Variants in KSR2 observed in about 807,000 individuals in gnomAD.
KSR2 encodes the protein kinase suppressor of ras 2.
Under a neutral mutation model 107.8 loss-of-function variants are expected in KSR2, and 25 were observed. The ratio of observed to expected loss-of-function variants is 0.23; its 90% CI spans 0.17 to 0.32. KSR2 has a LOEUF of 0.32. Among genes scored for constraint, KSR2 ranks in the 10% least tolerant of loss-of-function variants. The pLI is 1.00. For missense variants in KSR2, 887 were observed against 1,268.9 expected (o/e 0.70, Z 4.57); for synonymous variants, 480 against 507.0 (o/e 0.95, Z 0.71).
rs376464695 is a variant in KSR2 at position 117,633,698 on chromosome 12, C to T, written c.1171+33776G>A. Among the ~76,000 whole-genome samples the T allele has an allele frequency of 5.3e-5, 8 of 152,174 alleles. No individual in the cohort carries two copies. In the East Asian group the frequency reaches 9.6e-4, roughly 18 times the overall value. On this transcript the variant is annotated intron_variant, in intron 5 of 19. Coordinates refer to ENST00000339824, the MANE Select transcript of KSR2 (RefSeq NM_173598.6). The stretch of plus-strand genomic sequence containing the variant: ...CTTTTTGCAAGGACATCAGTCATTG[C>T]GTTTAGGGCTCACTTAATCCATCGT...
chr12:117,661,709 G>A (rs1487776493), intron 5 of KSR2, among the ~76,000 whole-genome samples: 3 of 152,228 alleles, frequency 2.0e-5, no homozygotes, highest in South Asian at 2.1e-4. Context: ...TGGAGGGGAA[G>A]AGCAAGAATG....
chr12:117,476,328 C>G, intron 17 of KSR2, 136 bp downstream of exon 17: 1 of 1,064,030 alleles, frequency 9.4e-7, no homozygotes, highest in Non-Finnish European at 1.3e-6. Flanking sequence ...CAGGTTCCTC[C>G]ATTCTCACCC....
chr12:117,464,194 C>T lies in KSR2; in HGVS notation c.*3005G>A, dbSNP rs1169332731. ...TGGGTGAAATTTATGTGCAAATCCA[C>T]ATGCCCTTTAAAGAAAGCTGAGATG... On this transcript the variant is annotated 3_prime_UTR_variant, in exon 20 of 20. Coordinates refer to ENST00000339824, the MANE Select transcript of KSR2 (RefSeq NM_173598.6). 1 of 152,226 alleles carries T rather than the reference C, an allele frequency of 6.6e-6. No homozygotes were observed. Among genetic ancestry groups the T allele is most frequent in the African/African-American group, 2.4e-5 (1 of 41,456 alleles). The allele number at this position is 152,226 out of a possible 1,614,324, so 9.4% of individuals were successfully genotyped here. A position where few individuals can be genotyped will look rare whatever the true frequency, so the allele number is the denominator to read the frequency against.
chr12:117,839,325 G>A (rs1007989295), intron 3 of KSR2, among the ~76,000 whole-genome samples: 4 of 152,158 alleles, frequency 2.6e-5, no homozygotes, highest in Admixed American at 1.3e-4. Flanking sequence ...TAGAGTGTAC[G>A]GTCTGGAATC....
chr12:117,819,075 T>C (rs1015773999), intron 3 of KSR2, among the ~76,000 whole-genome samples: 5 of 151,948 alleles, frequency 3.3e-5, no homozygotes, highest in Non-Finnish European at 7.4e-5. Context: ...TCAATGTCCA[T>C]CCCCACCAAG....
chr12:117,467,230 A>G, intron 19 of KSR2, 25 bp from the exon 20 acceptor site: 2 of 729,726 alleles, frequency 2.7e-6, no homozygotes, highest in South Asian at 1.5e-5. Context: ...GAAGGGAGAG[A>G]GTGGTGAGAG....
intron 17 of KSR2, among the ~76,000 whole-genome samples, chr12:117,474,796 G>A (rs1410287711): frequency 6.6e-6 from 1 of 152,038 alleles, no homozygotes; most frequent in Non-Finnish European, 1.5e-5. Context: ...GTCGTGTAGA[G>A]GCAGCTGTGT....
At position 117,774,667 on chromosome 12, in the gene KSR2, A is replaced by G. The variant is rs555599039; in HGVS notation, c.473-13143T>C. Among the ~76,000 whole-genome samples the G allele has an allele frequency of 3.9e-5, 6 of 152,350 alleles. No individual in the cohort carries two copies. The East Asian group carries it at 7.7e-4, about 20-fold the overall frequency. Reference sequence around the variant, plus strand: ...CAAAGCTCTTTTTAAGAAAAAATGTATTGAGGTGAAATTCACATTAACCAT... The same window carrying G: ...CAAAGCTCTTTTTAAGAAAAAATGTGTTGAGGTGAAATTCACATTAACCAT... On this transcript the variant is annotated intron_variant, in intron 3 of 19. Coordinates refer to ENST00000339824, the MANE Select transcript of KSR2 (RefSeq NM_173598.6).
intron 1 of KSR2, among the ~76,000 whole-genome samples, chr12:117,869,138 G>A (rs1025488981): frequency 5.3e-5 from 8 of 151,998 alleles, no homozygotes; most frequent in Admixed American, 6.6e-5. Flanking sequence ...TTGGGAGGCC[G>A]AGGTGGGTGG....
Position 117,484,538 on chromosome 12 carries a change from G to A in KSR2, c.2328C>T (p.Tyr776=), listed in dbSNP as rs1872350550. The change falls in exon 16 of 20, where the codon TAC becomes TAT. Residue 776 remains tyrosine (Y), a synonymous_variant. Coordinates refer to ENST00000339824, the MANE Select transcript of KSR2 (RefSeq NM_173598.6). ...IAQEIVKGMG[Y]LHAKGILHKD... is the part of the protein sequence containing the mutation. Reference sequence around the variant, plus strand: ...TGTGTAGGATTCCCTTGGCGTGGAGGTAGCCCATGCCCTGCAAGAAGCAAG... The same window carrying A: ...TGTGTAGGATTCCCTTGGCGTGGAGATAGCCCATGCCCTGCAAGAAGCAAG... The A allele has an allele frequency of 1.2e-6, 2 of 1,613,732 alleles. No homozygotes were observed. The highest frequency in any genetic ancestry group is 1.7e-5 in the Admixed American group (1 of 59,996).
At chr12:117,788,809 G>A (rs570959468) in intron 3 of KSR2, among the ~76,000 whole-genome samples, 1 of 152,122 alleles carries the variant, frequency 6.6e-6, no homozygotes, top group Admixed American at 6.5e-5. Flanking sequence ...CACATTGCCC[G>A]GCCTCCAGAA....
At chr12:117,510,105 T>C (rs1012067794) in intron 14 of KSR2, among the ~76,000 whole-genome samples, 21 of 152,170 alleles carry the variant, frequency 1.4e-4, no homozygotes, top group Non-Finnish European at 5.9e-5. Flanking sequence ...AAGAAGAAAG[T>C]TCTCTTCAGC....
chr12:117,799,799 G>A (rs376123000), intron 3 of KSR2, among the ~76,000 whole-genome samples: 6 of 152,110 alleles, frequency 3.9e-5, no homozygotes, highest in African/African-American at 1.2e-4. Flanking sequence ...CACAGTCCCC[G>A]GCTCTTAGTG....
At chr12:117,781,302 G>A (rs377568965) in intron 3 of KSR2, among the ~76,000 whole-genome samples, 15 of 152,136 alleles carry the variant, frequency 9.9e-5, no homozygotes, top group African/African-American at 2.4e-4. Context: ...TATTAGCAGC[G>A]TGAGAACAGA....
At chr12:117,945,540 G>A (rs899392128) in intron 1 of KSR2, among the ~76,000 whole-genome samples, 1 of 152,004 alleles carries the variant, frequency 6.6e-6, no homozygotes, top group African/African-American at 2.4e-5. Flanking sequence ...CGTGGTGGCG[G>A]GTGTCTATAC....
chr12:117,791,890 C>T (rs1734202285), intron 3 of KSR2, among the ~76,000 whole-genome samples: 1 of 152,222 alleles, frequency 6.6e-6, no homozygotes, highest in Admixed American at 6.5e-5. Context: ...AACTTCTCTT[C>T]TACTTCTCTC....
intron 1 of KSR2, among the ~76,000 whole-genome samples, chr12:117,953,063 A>C (rs1896411709): frequency 6.6e-6 from 1 of 152,166 alleles, no homozygotes; most frequent in African/African-American, 2.4e-5. Context: ...GAAGCTATAC[A>C]GATGGCCAAT....
At chr12:117,487,777 T>C (rs1201222619) in intron 14 of KSR2, among the ~76,000 whole-genome samples, 1 of 152,184 alleles carries the variant, frequency 6.6e-6, no homozygotes, top group East Asian at 1.9e-4. Flanking sequence ...CCTTGTCTTC[T>C]TTCCCTCCTT....
intron 14 of KSR2, among the ~76,000 whole-genome samples, chr12:117,499,372 C>T (rs148870165): frequency 6.6e-6 from 1 of 152,232 alleles, no homozygotes; most frequent in East Asian, 1.9e-4. Context: ...ATTTTTCCTC[C>T]AATAAATGCA....
Sources: gnomAD v4.1 joint callset for allele counts (sites outside exome capture counted in the v4.1 genomes callset) on GRCh38, gnomAD v4.1.1 for gene constraint, MANE v1.5 for transcripts, NCBI Gene and HGNC (gene_info 2026-07-23, HGNC 2026-07-21) for gene names.